The following PTK2 variants were observed in gnomAD, a reference collection of about 807,000 sequenced individuals.
The protein encoded by PTK2 is protein tyrosine kinase 2.
A neutral mutation model predicts 150.1 loss-of-function variants in PTK2; 45 were observed. That is an observed-to-expected ratio of 0.30 (90% CI 0.24 to 0.38). PTK2 has a LOEUF of 0.38. Ranked by LOEUF, PTK2 falls within the 10% of genes least tolerant of loss-of-function variation. PTK2 has a pLI of 1.00. For synonymous variants in PTK2, 432 were observed against 449.2 expected (o/e 0.96, Z 0.48); for missense variants, 919 against 1,307.3 (o/e 0.70, Z 4.58).
At chr8:140,830,432 A>G (rs2100114704) in intron 8 of PTK2, 40 bp downstream of exon 8, 5 of 1,346,800 alleles carry the variant, frequency 3.7e-6, no homozygotes, top group East Asian at 5.0e-5. Flanking sequence ...GTCTTGGCAT[A>G]ATTTTGTTAT....
intron 5 of PTK2, among the ~76,000 whole-genome samples, chr8:140,855,409 C>T (rs2100131930): frequency 6.6e-6 from 1 of 152,034 alleles, no homozygotes; most frequent in Non-Finnish European, 1.5e-5. Flanking sequence ...TCCTGGCCAA[C>T]ATGCTGAAAC....
At chr8:140,967,417 T>G (rs2100185667) in intron 1 of PTK2, among the ~76,000 whole-genome samples, 1 of 151,850 alleles carries the variant, frequency 6.6e-6, no homozygotes, top group Middle Eastern at 3.2e-3. Context: ...TGATGCTAAG[T>G]GCTAAATAAG....
At chr8:140,771,050 G>C (rs2100075207) in intron 14 of PTK2, 1 of 164,408 alleles carries the variant, frequency 6.1e-6, no homozygotes, top group Non-Finnish European at 1.3e-5. Flanking sequence ...GAATCTCCCA[G>C]CTCTGTAGAG....
At chr8:140,881,843 G>C (rs530098394) in intron 3 of PTK2, among the ~76,000 whole-genome samples, 1 of 152,278 alleles carries the variant, frequency 6.6e-6, no homozygotes, top group East Asian at 1.9e-4. Flanking sequence ...TGTGGTATCT[G>C]TTAGGGAAAG....
intron 1 of PTK2, among the ~76,000 whole-genome samples, chr8:140,931,151 C>A (rs977917937): frequency 2.0e-5 from 3 of 151,660 alleles, no homozygotes; most frequent in Non-Finnish European, 4.4e-5. Context: ...TGCAATGAAC[C>A]ATAAACATCA....
chr8:140,938,213 G>A (rs905269332), intron 1 of PTK2, among the ~76,000 whole-genome samples: 1 of 152,126 alleles, frequency 6.6e-6, no homozygotes, highest in South Asian at 2.1e-4. Flanking sequence ...TCTATGTCCT[G>A]ACCAAATACC....
rs1313407006 is a variant in PTK2, at chr8:140,665,023, ATT to A, written c.2866-28_2866-27del. 12 of 1,584,906 alleles carry A rather than the reference ATT, an allele frequency of 7.6e-6. No individual in the cohort carries two copies. In the East Asian group the frequency reaches 2.5e-4, roughly 33 times the overall value. On this transcript the variant is annotated intron_variant, in intron 30 of 31. Transcript: ENST00000522684. ...CTAACAGACAAGAATCACAACCAATATTAGAACACACACAAAGGATTTTTATG... is the reference window on the plus strand; with the variant it reads ...CTAACAGACAAGAATCACAACCAATAAGAACACACACAAAGGATTTTTATG...
intron 22 of PTK2, among the ~76,000 whole-genome samples, chr8:140,725,989 A>C (rs916618334): frequency 6.6e-6 from 1 of 152,200 alleles, no homozygotes; most frequent in Non-Finnish European, 1.5e-5. Context: ...AAGAAAATTT[A>C]TTCATAATGG....
intron 1 of PTK2, among the ~76,000 whole-genome samples, chr8:140,942,171 A>G (rs899262329): frequency 6.6e-6 from 1 of 152,154 alleles, no homozygotes; most frequent in African/African-American, 2.4e-5. Flanking sequence ...GAACCTCTGC[A>G]CCTAGACTTA....
chr8:140,676,614 G>A (rs960998187), intron 27 of PTK2, among the ~76,000 whole-genome samples: 4 of 143,608 alleles, frequency 2.8e-5, no homozygotes, highest in East Asian at 2.1e-4. Context: ...CGGTGGGGGC[G>A]GGGGGAACAG....
chr8:140,906,087 T>C (rs937667202), intron 2 of PTK2, among the ~76,000 whole-genome samples: 4 of 118,218 alleles, frequency 3.4e-5, no homozygotes, highest in Non-Finnish European at 8.5e-5. Context: ...ATAGAAGACA[T>C]ACAAAAGGCC....
chr8:140,833,241 T>A, intron 7 of PTK2, among the ~76,000 whole-genome samples: 1 of 152,188 alleles, frequency 6.6e-6, no homozygotes, highest in East Asian at 1.9e-4. Context: ...TTAAACTTCT[T>A]TTGACTAATA....
chr8:140,744,703 T>C (rs1268306062), exon 19 of PTK2: 4 of 1,609,114 alleles, frequency 2.5e-6, no homozygotes, highest in Non-Finnish European at 3.4e-6. Flanking sequence ...ACTAAGCTGA[T>C]AGGCATACAG....
intron 30 of PTK2, among the ~76,000 whole-genome samples, chr8:140,667,461 TCTC>T (rs779755714): frequency 2.2e-4 from 16 of 72,788 alleles, no homozygotes; most frequent in African/African-American, 3.8e-4. Flanking sequence ...TCTCTCTCTC[TCTC>T]TCTTTTTTTT....
chr8:140,753,677 A>T (rs1216690102), intron 16 of PTK2, among the ~76,000 whole-genome samples: 1 of 152,238 alleles, frequency 6.6e-6, no homozygotes, highest in African/African-American at 2.4e-5. Flanking sequence ...CATTATGCAC[A>T]CTTACTATTG....
intron 14 of PTK2, among the ~76,000 whole-genome samples, chr8:140,778,085 C>T (rs532321169): frequency 1.5e-4 from 23 of 152,256 alleles, no homozygotes; most frequent in Admixed American, 2.6e-4. Context: ...GATTGGCTTG[C>T]TGCACGTTGG....
chr8:140,775,484 T>TA (rs561966229), intron 14 of PTK2, among the ~76,000 whole-genome samples: 97 of 150,140 alleles, frequency 6.5e-4, no homozygotes, highest in Middle Eastern at 3.4e-3. Context: ...GACCCTGCCT[T>TA]AAAAAAAAAC....
intron 8 of PTK2, among the ~76,000 whole-genome samples, chr8:140,829,721 A>G (rs1220130310): frequency 1.3e-5 from 2 of 152,166 alleles, no homozygotes; most frequent in African/African-American, 4.8e-5. Context: ...GGTAAGTAAT[A>G]TATTTACTAA....
At chr8:140,820,255 C>T (rs1400568842) in intron 8 of PTK2, among the ~76,000 whole-genome samples, 1 of 151,474 alleles carries the variant, frequency 6.6e-6, no homozygotes, top group African/African-American at 2.4e-5. Context: ...TGTGCACCAC[C>T]ACACCTGGCT....
Sources: allele counts gnomAD v4.1 joint callset (sites outside exome capture counted in the v4.1 genomes callset), GRCh38; gene constraint gnomAD v4.1.1; transcripts MANE v1.5; gene names NCBI Gene and HGNC (gene_info 2026-07-23, HGNC 2026-07-21).